The following RBFOX1 variants were observed in gnomAD, a reference collection of about 807,000 sequenced individuals.
The protein encoded by RBFOX1 is RNA binding fox-1 homolog 1.
RBFOX1 carries 8 observed loss-of-function variants against 57.7 expected under a neutral mutation model. The observed-to-expected ratio is 0.14, with a 90% CI of 0.08 to 0.25. The LOEUF is 0.25. Ranked by LOEUF, RBFOX1 falls within the 10% of genes least tolerant of loss-of-function variation. The pLI, the probability that RBFOX1 is intolerant of heterozygous loss-of-function variation, is 1.00. For missense variants in RBFOX1, 611 were observed against 548.5 expected, an observed-to-expected ratio of 1.11 and a Z score of -1.14; for synonymous variants, 326 against 222.4, an observed-to-expected ratio of 1.47 and a Z score of -4.15.
intron 3 of RBFOX1, among the ~76,000 whole-genome samples, chr16:5,616,597 T>A (rs1446500972): frequency 3.7e-5 from 5 of 134,972 alleles, no homozygotes; most frequent in African/African-American, 1.4e-4. Flanking sequence ...TCCCTCCTCC[T>A]CCTCCTCTTC....
intron 10 of RBFOX1, among the ~76,000 whole-genome samples, chr16:7,627,165 G>T (rs2060205173): frequency 7.2e-6 from 1 of 138,012 alleles, no homozygotes; most frequent in African/African-American, 2.9e-5. Context: ...ACATGAACTT[G>T]GCAACATTCA....
chr16:6,598,256 A>G (rs879845917), intron 2 of RBFOX1, among the ~76,000 whole-genome samples: 21 of 152,316 alleles, frequency 1.4e-4, no homozygotes, highest in African/African-American at 4.6e-4. Flanking sequence ...TCATTCCACT[A>G]TATAATTAAG....
chr16:6,765,685 A>G (rs530176360), intron 3 of RBFOX1, among the ~76,000 whole-genome samples: 1 of 152,204 alleles, frequency 6.6e-6, no homozygotes, highest in East Asian at 1.9e-4. Flanking sequence ...GCCTGCTTGC[A>G]TATATTTATC....
chr16:7,331,874 C>G (rs767612959), intron 4 of RBFOX1, among the ~76,000 whole-genome samples: 34 of 152,102 alleles, frequency 2.2e-4, no homozygotes, highest in Non-Finnish European at 3.7e-4. Flanking sequence ...TCCTATGTAA[C>G]ATATCCCAAA....
intron 2 of RBFOX1, among the ~76,000 whole-genome samples, chr16:6,629,660 C>G (rs1231677154): frequency 2.6e-5 from 4 of 151,960 alleles, no homozygotes; most frequent in African/African-American, 4.8e-5. Context: ...GAGATGACAA[C>G]GAGATTTTAA....
At chr16:5,866,593 C>G (rs1206885787) in intron 3 of RBFOX1, among the ~76,000 whole-genome samples, 2 of 152,166 alleles carry the variant, frequency 1.3e-5, no homozygotes, top group African/African-American at 4.8e-5. Flanking sequence ...GTGTCTACAC[C>G]AAATCCTTTG....
intron 3 of RBFOX1, among the ~76,000 whole-genome samples, chr16:5,634,156 A>C (rs2048608705): frequency 1.3e-5 from 2 of 152,240 alleles, no homozygotes; most frequent in Admixed American, 1.3e-4. Flanking sequence ...TAGCAAATTC[A>C]GACTTGTGTA....
chr16:7,000,596 C>CTTTCTTTTTTTTTTTTTT (rs2092697254), intron 3 of RBFOX1, among the ~76,000 whole-genome samples: 1 of 92,592 alleles, frequency 1.1e-5, no homozygotes, highest in Non-Finnish European at 2.0e-5. Flanking sequence ...CTTTTTCTTT[C>CTTTCTTTTTTTTTTTTTT]TTTTTTTTTT....
chr16:6,998,593 C>T (rs1453915836), intron 3 of RBFOX1, among the ~76,000 whole-genome samples: 3 of 152,126 alleles, frequency 2.0e-5, no homozygotes, highest in South Asian at 4.1e-4. Flanking sequence ...TTGGTTATAT[C>T]ATTGTGATCG....
chr16:6,486,898 G>T (rs981103251), intron 2 of RBFOX1, among the ~76,000 whole-genome samples: 3 of 152,024 alleles, frequency 2.0e-5, no homozygotes, highest in Non-Finnish European at 2.9e-5. Context: ...TTAAATCATA[G>T]ATAATCAGAA....
chr16:6,908,106 G>A (rs1388121741), intron 3 of RBFOX1, among the ~76,000 whole-genome samples: 1 of 151,684 alleles, frequency 6.6e-6, no homozygotes, highest in Non-Finnish European at 1.5e-5. Context: ...CAGCTACTGG[G>A]GGTTAGGACA....
intron 4 of RBFOX1, chr16:7,304,603 T>C (rs952876793): frequency 9.1e-6 from 9 of 984,302 alleles, no homozygotes; most frequent in Non-Finnish European, 1.1e-5. Flanking sequence ...GGCTCCCGCG[T>C]TGCGATGGAA....
intron 3 of RBFOX1, among the ~76,000 whole-genome samples, chr16:7,021,916 T>C (rs913793255): frequency 5.3e-5 from 8 of 149,986 alleles, no homozygotes; most frequent in Non-Finnish European, 1.0e-4. Flanking sequence ...TTCTTTCTTT[T>C]CTTTCTTTCT....
chr16:7,413,008 C>CT (rs2098444679), intron 4 of RBFOX1, among the ~76,000 whole-genome samples: 1 of 152,002 alleles, frequency 6.6e-6, no homozygotes, highest in African/African-American at 2.4e-5. Context: ...CGCCACTGCA[C>CT]TCCAGCCCGG....
At chr16:6,685,920 A>T (rs535987733) in intron 3 of RBFOX1, among the ~76,000 whole-genome samples, 1 of 152,272 alleles carries the variant, frequency 6.6e-6, no homozygotes, top group Non-Finnish European at 1.5e-5. Flanking sequence ...ATTTTCTAGT[A>T]TTTAAAAAGC....
At chr16:7,222,779 G>A (rs541488369) in intron 4 of RBFOX1, among the ~76,000 whole-genome samples, 1 of 152,200 alleles carries the variant, frequency 6.6e-6, no homozygotes, top group East Asian at 1.9e-4. Flanking sequence ...GCAGGAACCA[G>A]TGCCATTTCA....
At chr16:5,774,008 T>C (rs1436418961) in intron 3 of RBFOX1, among the ~76,000 whole-genome samples, 1 of 152,196 alleles carries the variant, frequency 6.6e-6, no homozygotes, top group Non-Finnish European at 1.5e-5. Flanking sequence ...TTTTCTCTTT[T>C]AATCGATACT....
chr16:5,647,395 A>G (rs2049088210), intron 3 of RBFOX1, among the ~76,000 whole-genome samples: 1 of 152,148 alleles, frequency 6.6e-6, no homozygotes, highest in Non-Finnish European at 1.5e-5. Context: ...CCTGCAATTT[A>G]TTGCCACTGT....
At chr16:7,105,680 A>G (rs1358543921) in intron 4 of RBFOX1, among the ~76,000 whole-genome samples, 2 of 151,974 alleles carry the variant, frequency 1.3e-5, no homozygotes, top group African/African-American at 2.4e-5. Context: ...CATCATATCT[A>G]TCTGTCTATC....
Sources: gnomAD v4.1 joint callset for allele counts (sites outside exome capture counted in the v4.1 genomes callset) on GRCh38, gnomAD v4.1.1 for gene constraint, MANE v1.5 for transcripts, NCBI Gene and HGNC (gene_info 2026-07-23, HGNC 2026-07-21) for gene names.